Variants in ATRNL1 observed in about 807,000 individuals in gnomAD.
The protein encoded by ATRNL1 is attractin-like protein 1.
Under a neutral mutation model 182.7 loss-of-function variants are expected in ATRNL1, and 95 were observed. The ratio of observed to expected loss-of-function variants is 0.52; its 90% CI spans 0.44 to 0.62. The LOEUF (loss-of-function observed/expected upper bound fraction) is 0.62, where lower values mean the gene tolerates loss of function less well. ATRNL1 is among the 20% of genes least tolerant of loss of function. The pLI is 0.00. For missense variants in ATRNL1, 1,471 were observed against 1,679.5 expected, an observed-to-expected ratio of 0.88 and a Z score of 2.17; for synonymous variants, 576 against 568.3, an observed-to-expected ratio of 1.01 and a Z score of -0.19.
intron 28 of ATRNL1, among the ~76,000 whole-genome samples, chr10:115,932,897 C>G (rs1239282974): frequency 1.3e-5 from 2 of 152,108 alleles, no homozygotes; most frequent in Non-Finnish European, 2.9e-5. Context: ...CACATAAATA[C>G]TATGGAAAAT....
At chr10:115,253,456 GACA>G (rs1554905854) in intron 10 of ATRNL1, among the ~76,000 whole-genome samples, 4 of 152,110 alleles carry the variant, frequency 2.6e-5, no homozygotes, top group African/African-American at 2.4e-5. Context: ...TAGCAACCCA[GACA>G]ACAAGTTTTT....
chr10:115,151,274 C>A (rs1846214319), intron 5 of ATRNL1, among the ~76,000 whole-genome samples: 2 of 152,278 alleles, frequency 1.3e-5, no homozygotes, highest in Admixed American at 1.3e-4. Context: ...ATTTCTAGTT[C>A]TAGATCCTTG....
chr10:115,675,308 G>A (rs569945730), intron 26 of ATRNL1, among the ~76,000 whole-genome samples: 3 of 152,218 alleles, frequency 2.0e-5, no homozygotes, highest in South Asian at 2.1e-4. Flanking sequence ...GTTTCAGTGA[G>A]CTATGATTGT....
intron 20 of ATRNL1, among the ~76,000 whole-genome samples, chr10:115,425,601 A>T: frequency 6.6e-6 from 1 of 152,040 alleles, no homozygotes; most frequent in East Asian, 1.9e-4. Flanking sequence ...ATAAGAGTAC[A>T]TGAGTATGGA....
intron 8 of ATRNL1, among the ~76,000 whole-genome samples, chr10:115,186,103 A>G (rs1338313634): frequency 2.6e-5 from 4 of 152,074 alleles, no homozygotes; most frequent in African/African-American, 9.7e-5. Context: ...ACATCTGATA[A>G]GAGATTAATA....
At chr10:115,382,849 T>TA (rs1312269350) in intron 19 of ATRNL1, among the ~76,000 whole-genome samples, 7 of 151,872 alleles carry the variant, frequency 4.6e-5, no homozygotes, top group African/African-American at 1.2e-4. Flanking sequence ...TGTGAGTTTT[T>TA]AAAAAAATGC....
intron 2 of ATRNL1, among the ~76,000 whole-genome samples, chr10:115,121,136 A>G (rs1179880748): frequency 1.3e-5 from 2 of 151,794 alleles, no homozygotes; most frequent in African/African-American, 4.8e-5. Context: ...TTTTTGAGAC[A>G]GAGCCTCACT....
rs1554871730 is a variant in ATRNL1, at chr10:115,121,825, A to C, written c.491+13A>C. 1 of 1,285,428 alleles carries C rather than the reference A, an allele frequency of 7.8e-7. No homozygotes were observed. The highest frequency in any genetic ancestry group is 1.1e-6 in the Non-Finnish European group (1 of 914,600). 79.6% of individuals were successfully genotyped at this position (1,285,428 alleles called of 1,614,324 possible). On this transcript the variant is annotated intron_variant, in intron 3 of 28. Transcript: ENST00000355044. Reference sequence around the variant, plus strand: ...TAGCTGTACTTAGGTGAGTAATTATATTTAATCAGTTGCAGAAAAGTGACT... The same window carrying C: ...TAGCTGTACTTAGGTGAGTAATTATCTTTAATCAGTTGCAGAAAAGTGACT...
intron 8 of ATRNL1, among the ~76,000 whole-genome samples, chr10:115,200,376 C>G (rs1301913090): frequency 1.1e-5 from 1 of 94,102 alleles, no homozygotes; most frequent in Non-Finnish European, 2.1e-5. Context: ...ATCCCTCCCC[C>G]CTCCCCCCAC....
chr10:115,334,228 A>G (rs186073079), intron 18 of ATRNL1, 54 bp from the exon 19 acceptor site: 29 of 1,188,478 alleles, frequency 2.4e-5, no homozygotes, highest in Non-Finnish European at 2.9e-5. Flanking sequence ...TTTGATAGCT[A>G]TTATACTTGA....
chr10:115,255,506 A>G (rs145173156), intron 10 of ATRNL1, among the ~76,000 whole-genome samples: 1,801 of 152,264 alleles, frequency 0.012, 35 homozygotes, highest in African/African-American at 0.04. Context: ...AGACTTTGCT[A>G]AAGTTGTTTA....
intron 19 of ATRNL1, among the ~76,000 whole-genome samples, chr10:115,350,692 C>T (rs1346767388): frequency 6.6e-6 from 1 of 152,088 alleles, no homozygotes; most frequent in Non-Finnish European, 1.5e-5. Context: ...AATTCGAAGT[C>T]AGGTAATATG....
intron 24 of ATRNL1, among the ~76,000 whole-genome samples, chr10:115,473,753 A>G (rs1309753219): frequency 2.0e-5 from 3 of 151,184 alleles, no homozygotes; most frequent in African/African-American, 7.3e-5. Context: ...CACCTTAGTT[A>G]TTTTTGATGT....
intron 9 of ATRNL1, among the ~76,000 whole-genome samples, chr10:115,228,489 T>C (rs935951683): frequency 1.3e-5 from 2 of 152,188 alleles, no homozygotes; most frequent in Admixed American, 1.3e-4. Context: ...TGCATATGTT[T>C]GTACAACTTA....
At chr10:115,615,754 C>T (rs1857394471) in intron 26 of ATRNL1, among the ~76,000 whole-genome samples, 2 of 152,184 alleles carry the variant, frequency 1.3e-5, no homozygotes, top group Non-Finnish European at 2.9e-5. Context: ...CACCAGTTCC[C>T]CTTCAGCTTT....
At chr10:115,535,596 C>T (rs1851929817) in intron 25 of ATRNL1, among the ~76,000 whole-genome samples, 1 of 152,190 alleles carries the variant, frequency 6.6e-6, no homozygotes, top group East Asian at 1.9e-4. Flanking sequence ...CTGAAGCCTT[C>T]TTCTCTCAAC....
Position 115,295,492 on chromosome 10 carries a change from T to C in ATRNL1, c.2416-4542T>C, listed in dbSNP as rs555517198. Among the ~76,000 whole-genome samples the C allele has an allele frequency of 2.6e-5, 4 of 152,298 alleles. No homozygotes were observed. The South Asian group carries it at 8.3e-4, about 32-fold the overall frequency. ...GCCCAACAGTGGCAGCCTGTGGAAC[T>C]GTTTCTAGGCCCTGATTGCCAGTGC... On this transcript the variant is annotated intron_variant, in intron 15 of 28. Transcript: ENST00000355044.
At chr10:115,371,323 G>A (rs1432406740) in intron 19 of ATRNL1, among the ~76,000 whole-genome samples, 1 of 145,534 alleles carries the variant, frequency 6.9e-6, no homozygotes, top group Non-Finnish European at 1.6e-5. Flanking sequence ...CAGAATGGTA[G>A]ATTCACCAAC....
chr10:115,719,021 A>C (rs1555057045), intron 26 of ATRNL1, among the ~76,000 whole-genome samples: 1 of 152,214 alleles, frequency 6.6e-6, no homozygotes, highest in African/African-American at 2.4e-5. Context: ...TATTACAGGC[A>C]AATTTATTCA....
Sources: gnomAD v4.1 joint callset for allele counts (sites outside exome capture counted in the v4.1 genomes callset) on GRCh38, gnomAD v4.1.1 for gene constraint, MANE v1.5 for transcripts, NCBI Gene and HGNC (gene_info 2026-07-23, HGNC 2026-07-21) for gene names.